The following SYT1 variants were observed in gnomAD, a reference collection of about 807,000 sequenced individuals.
SYT1 encodes the protein synaptotagmin-1.
A neutral mutation model predicts 44.8 loss-of-function variants in SYT1; 8 were observed. The observed-to-expected ratio is 0.18, with a 90% CI of 0.10 to 0.32. SYT1 has a LOEUF of 0.32. Ranked by LOEUF, SYT1 falls within the 10% of genes least tolerant of loss-of-function variation. The probability of loss-of-function intolerance (pLI) is 1.00; values close to 1 mark genes in which losing one functional copy is unlikely to be tolerated. For synonymous variants in SYT1, 154 were observed against 188.8 expected (o/e 0.82, Z 1.51); for missense variants, 286 against 509.3 (o/e 0.56, Z 4.22).
rs558682469 is a variant in SYT1 at position 79,158,187 on chromosome 12, T to G, written c.-17-59316T>G. 2.6e-5 allele frequency among the ~76,000 whole-genome samples: 4 copies of G among 152,202 alleles called. No individual in the cohort carries two copies. In the East Asian group the frequency reaches 7.7e-4, roughly 29 times the overall value. On this transcript the variant is annotated intron_variant, in intron 3 of 10. Coordinates refer to ENST00000261205, the MANE Select transcript of SYT1 (RefSeq NM_005639.3). ...CAAGTAACTACATAACTCACTATCA[T>G]GTAGAATCAGTGCGATCCCTGAGCT...
intron 3 of SYT1, among the ~76,000 whole-genome samples, chr12:79,066,878 TC>T (rs1875904181): frequency 6.6e-6 from 1 of 152,154 alleles, no homozygotes; most frequent in Non-Finnish European, 1.5e-5. Context: ...CCATTTAGTG[TC>T]CTAACATGTA....
intron 3 of SYT1, among the ~76,000 whole-genome samples, chr12:79,100,797 A>G (rs186735338): frequency 2.8e-4 from 42 of 152,260 alleles, no homozygotes; most frequent in Non-Finnish European, 5.1e-4. Context: ...TATACTTATT[A>G]CTTAGCTACC....
intron 10 of SYT1, among the ~76,000 whole-genome samples, chr12:79,446,877 T>C (rs1870764418): frequency 6.6e-6 from 1 of 152,176 alleles, no homozygotes; most frequent in Non-Finnish European, 1.5e-5. Context: ...CTTATTCCTA[T>C]GGAAACTAAC....
At chr12:78,875,488 A>G (rs1874017994) in intron 1 of SYT1, among the ~76,000 whole-genome samples, 1 of 151,696 alleles carries the variant, frequency 6.6e-6, no homozygotes, top group Non-Finnish European at 1.5e-5. Context: ...CAGCCCTGTA[A>G]CTATCAGGGG....
chr12:79,422,880 G>T (rs922165657), intron 9 of SYT1, among the ~76,000 whole-genome samples: 1 of 152,024 alleles, frequency 6.6e-6, no homozygotes, highest in Non-Finnish European at 1.5e-5. Flanking sequence ...CAAATGAGAC[G>T]ATTCCCCTTT....
At chr12:79,261,883 G>A (rs980885566) in intron 4 of SYT1, among the ~76,000 whole-genome samples, 5 of 152,136 alleles carry the variant, frequency 3.3e-5, no homozygotes, top group African/African-American at 1.2e-4. Context: ...ACCATGAAGA[G>A]TGGAAGTAAT....
chr12:79,176,679 A>G (rs920533193), intron 3 of SYT1, among the ~76,000 whole-genome samples: 1 of 152,074 alleles, frequency 6.6e-6, no homozygotes, highest in Non-Finnish European at 1.5e-5. Flanking sequence ...AAAAGTTGAA[A>G]TAGTACAATG....
intron 8 of SYT1, among the ~76,000 whole-genome samples, chr12:79,343,713 C>G (rs1882478574): frequency 1.3e-5 from 2 of 152,094 alleles, no homozygotes; most frequent in Non-Finnish European, 2.9e-5. Flanking sequence ...TTCTATAAAT[C>G]ATATATATAT....
At chr12:79,374,161 T>C (rs1206581044) in intron 9 of SYT1, among the ~76,000 whole-genome samples, 2 of 152,160 alleles carry the variant, frequency 1.3e-5, no homozygotes, top group Non-Finnish European at 2.9e-5. Flanking sequence ...TGTGATACTG[T>C]ACATCAGACC....
In SYT1 at chr12:78,965,068, C is replaced by G. The variant is rs1374837136; in HGVS notation, c.-216-12731C>G. ...CTAAATAAAAATAGGCCCAATCTGA[C>G]AATGAGAAATTATTCCTAATCTTAT... On this transcript the variant is annotated intron_variant, in intron 1 of 10. Coordinates refer to ENST00000261205, the MANE Select transcript of SYT1 (RefSeq NM_005639.3). Among the ~76,000 whole-genome samples, 3 of 152,114 alleles carry G rather than the reference C, an allele frequency of 2.0e-5. No individual in the cohort carries two copies. In the East Asian group the frequency reaches 5.8e-4, roughly 29 times the overall value.
intron 2 of SYT1, among the ~76,000 whole-genome samples, chr12:78,980,568 A>T (rs3860256): frequency 0.21 from 31,257 of 151,994 alleles, 3,775 homozygotes; most frequent in African/African-American, 0.35. Context: ...AAGTTTCATT[A>T]TGAAGTTAAA....
chr12:78,897,277 T>C (rs1875413953), intron 1 of SYT1, among the ~76,000 whole-genome samples: 1 of 151,944 alleles, frequency 6.6e-6, no homozygotes, highest in Non-Finnish European at 1.5e-5. Flanking sequence ...ATACTTTTAA[T>C]GATTTTTGAG....
chr12:79,356,836 A>G (rs1384274243), intron 9 of SYT1, among the ~76,000 whole-genome samples: 1 of 152,246 alleles, frequency 6.6e-6, no homozygotes, highest in Non-Finnish European at 1.5e-5. Flanking sequence ...GGCACAACTA[A>G]GTACTCACTA....
chr12:79,332,725 GT>G (rs1358301421), intron 8 of SYT1, among the ~76,000 whole-genome samples: 1 of 152,116 alleles, frequency 6.6e-6, no homozygotes. Context: ...TGTGAAGGAG[GT>G]AACTCATTAA....
intron 1 of SYT1, among the ~76,000 whole-genome samples, chr12:78,914,165 C>CAT (rs1358012905): frequency 1.6e-4 from 24 of 151,114 alleles, no homozygotes; most frequent in East Asian, 9.7e-4. Context: ...TGAGGATATA[C>CAT]ATATATATAT....
At position 79,433,685 on chromosome 12, in the gene SYT1, C is replaced by T. The variant is rs563155029; in HGVS notation, c.929-10388C>T. Among the ~76,000 whole-genome samples the T allele has an allele frequency of 2.5e-4, 38 of 152,304 alleles. 1 individual carries two copies. The South Asian group carries it at 7.2e-3, about 29-fold the overall frequency. On this transcript the variant is annotated intron_variant, in intron 9 of 10. Coordinates refer to ENST00000261205, the MANE Select transcript of SYT1 (RefSeq NM_005639.3). ...TTATCCTCAGTCATTCCACCAAGCTCTTTGCAGTCATCTAGAAAGAATCAG... is the reference window on the plus strand; with the variant it reads ...TTATCCTCAGTCATTCCACCAAGCTTTTTGCAGTCATCTAGAAAGAATCAG...
At chr12:79,055,735 G>T (rs1161261676) in intron 3 of SYT1, among the ~76,000 whole-genome samples, 1 of 151,892 alleles carries the variant, frequency 6.6e-6, no homozygotes, top group Admixed American at 6.6e-5. Context: ...GCTTATTACA[G>T]AAATTAATAT....
In SYT1 at chr12:79,091,564, AC is replaced by A. The variant is rs528669412; in HGVS notation, c.-18+44204del. Reference sequence around the variant, plus strand: ...TGTTATTGTGATTTATCTGGAGTCAACCAGCTTCAGCTTTCAGGGCTTCAAG... The same window carrying A: ...TGTTATTGTGATTTATCTGGAGTCAACAGCTTCAGCTTTCAGGGCTTCAAG... On this transcript the variant is annotated intron_variant, in intron 3 of 10. Transcript: ENST00000261205. 2.0e-5 allele frequency among the ~76,000 whole-genome samples: 3 copies of A among 152,122 alleles called. No homozygotes were observed. The South Asian group carries it at 6.2e-4, about 31-fold the overall frequency.
chr12:79,264,917 G>A lies in SYT1; in HGVS notation c.167-20870G>A, dbSNP rs549705710. On this transcript the variant is annotated intron_variant, in intron 4 of 10. Transcript: ENST00000261205. ...TGTCTTGCCTTTCAGTTTTTCAACA[G>A]CAATCTTTACTTTAGAACCTTACTC... is the stretch of plus-strand genomic sequence containing the variant. Among the ~76,000 whole-genome samples, 10 of 152,238 alleles carry A rather than the reference G, an allele frequency of 6.6e-5. No homozygotes were observed. The South Asian group carries it at 1.0e-3, about 16-fold the overall frequency.
Sources: gnomAD v4.1 joint callset for allele counts (sites outside exome capture counted in the v4.1 genomes callset) on GRCh38, gnomAD v4.1.1 for gene constraint, MANE v1.5 for transcripts, NCBI Gene and HGNC (gene_info 2026-07-23, HGNC 2026-07-21) for gene names.